RGL1: variants seen among roughly 807,000 people sequenced by gnomAD.
RGL1 encodes the protein ral guanine nucleotide dissociation stimulator like 1, also known as ral guanine nucleotide dissociation stimulator-like 1.
RGL1 carries 24 observed loss-of-function variants against 95.2 expected under a neutral mutation model. That is an observed-to-expected ratio of 0.25 (90% CI 0.18 to 0.35). The LOEUF (loss-of-function observed/expected upper bound fraction) is 0.35, where lower values mean the gene tolerates loss of function less well. Ranked by LOEUF, RGL1 falls within the 10% of genes least tolerant of loss-of-function variation. The pLI is 1.00. For missense variants in RGL1, 715 were observed against 936.3 expected (o/e 0.76, Z 3.08); for synonymous variants, 329 against 344.9 (o/e 0.95, Z 0.51).
intron 8 of RGL1, among the ~76,000 whole-genome samples, chr1:183,891,034 CA>C (rs1377645074): frequency 3.9e-5 from 6 of 152,266 alleles, no homozygotes; most frequent in African/African-American, 1.4e-4. Flanking sequence ...TAATCCTTGA[CA>C]TTTGTCGCTT....
intron 8 of RGL1, among the ~76,000 whole-genome samples, chr1:183,889,993 C>T (rs1269650545): frequency 2.0e-5 from 3 of 152,170 alleles, no homozygotes; most frequent in African/African-American, 4.8e-5. Context: ...TCCTTAAGAA[C>T]GATGGGGTCA....
chr1:183,805,154 G>A lies in RGL1; in HGVS notation c.-144G>A. 1 of 1,099,450 alleles carries A rather than the reference G, an allele frequency of 9.1e-7. No individual in the cohort carries two copies. The highest frequency in any genetic ancestry group is 1.2e-6 in the Non-Finnish European group (1 of 849,090). 68.1% of individuals were successfully genotyped at this position (1,099,450 alleles called of 1,614,324 possible). A position where few individuals can be genotyped will look rare whatever the true frequency, so the allele number is the denominator to read the frequency against. The stretch of plus-strand genomic sequence containing the variant: ...GTCGCGCGCACCGGCGGCGGCGGGG[G>A]CAGCGCGGCGCGTGTCTGTGCGCTG... On this transcript the variant is annotated 5_prime_UTR_variant, in exon 1 of 18. Coordinates refer to ENST00000360851, the MANE Select transcript of RGL1 (RefSeq NM_001297671.3).
intron 4 of RGL1, among the ~76,000 whole-genome samples, chr1:183,872,825 T>A (rs560119435): frequency 1.3e-5 from 2 of 152,258 alleles, no homozygotes; most frequent in African/African-American, 4.8e-5. Flanking sequence ...TTGGAGTGAT[T>A]ATAACAAAAA....
chr1:183,788,369 C>T (rs1316695151), intron 2 of RGL1, among the ~76,000 whole-genome samples: 1 of 152,198 alleles, frequency 6.6e-6, no homozygotes. Context: ...TTCCTCCCTC[C>T]TCTCTTCTGT....
intron 2 of RGL1, among the ~76,000 whole-genome samples, chr1:183,846,280 A>C (rs953264850): frequency 7.2e-5 from 11 of 152,150 alleles, no homozygotes; most frequent in Non-Finnish European, 1.3e-4. Flanking sequence ...ATTCTCAGCA[A>C]ACTAACAGAA....
chr1:183,901,072 A>G (rs922022890), intron 11 of RGL1, among the ~76,000 whole-genome samples: 2 of 151,414 alleles, frequency 1.3e-5, no homozygotes, highest in Non-Finnish European at 2.9e-5. Flanking sequence ...AGGCTGAGAC[A>G]GGCAGATCAT....
chr1:183,809,138 G>T (rs1033922108), intron 2 of RGL1, among the ~76,000 whole-genome samples: 4 of 152,214 alleles, frequency 2.6e-5, no homozygotes, highest in African/African-American at 9.7e-5. Flanking sequence ...ATACGTATGA[G>T]GTTATGTAGC....
At chr1:183,871,383 G>T (rs931995132) in intron 4 of RGL1, among the ~76,000 whole-genome samples, 1 of 152,192 alleles carries the variant, frequency 6.6e-6, no homozygotes, top group Admixed American at 6.5e-5. Flanking sequence ...CTGTTCTCTT[G>T]TGATTTCAGG....
chr1:183,666,452 T>C (rs6677194), intron 1 of RGL1, among the ~76,000 whole-genome samples: 12,437 of 152,270 alleles, frequency 0.082, 998 homozygotes, highest in African/African-American at 0.21. Flanking sequence ...TTCTTTGACC[T>C]ATGTATTATT....
At chr1:183,660,359 A>G (rs149155380) in intron 1 of RGL1, among the ~76,000 whole-genome samples, 9,976 of 151,214 alleles carry the variant, frequency 0.066, 572 homozygotes, top group African/African-American at 0.16. Context: ...AGGGATGGAG[A>G]AAGATCTACC....
At chr1:183,836,376 G>A (rs926412039) in intron 2 of RGL1, among the ~76,000 whole-genome samples, 1 of 151,774 alleles carries the variant, frequency 6.6e-6, no homozygotes. Flanking sequence ...TCAGCTTCCC[G>A]AGTAGCTGGG....
At chr1:183,803,724 C>G (rs1049334922), upstream of RGL1, among the ~76,000 whole-genome samples, 1 of 152,144 alleles carries the variant, frequency 6.6e-6, no homozygotes, top group Non-Finnish European at 1.5e-5. Context: ...TTTAACTGTC[C>G]TCAGTTGCAT....
chr1:183,856,120 AT>A (rs1231332729), intron 3 of RGL1, among the ~76,000 whole-genome samples: 7 of 152,154 alleles, frequency 4.6e-5, no homozygotes, highest in Non-Finnish European at 8.8e-5. Context: ...TTAACATACA[AT>A]CATATTGAAT....
At chr1:183,855,567 T>G (rs1176180586) in intron 3 of RGL1, among the ~76,000 whole-genome samples, 5 of 152,250 alleles carry the variant, frequency 3.3e-5, no homozygotes, top group Admixed American at 6.5e-5. Context: ...GTTTCTAATA[T>G]CTTTCCTCTC....
intron 1 of RGL1, among the ~76,000 whole-genome samples, chr1:183,805,960 T>C (rs1215118725): frequency 1.5e-5 from 2 of 131,904 alleles, no homozygotes; most frequent in Non-Finnish European, 3.2e-5. Context: ...TTTTTCTTTT[T>C]CTTTTCTTTT....
intron 2 of RGL1, among the ~76,000 whole-genome samples, chr1:183,749,793 A>G (rs1226798139): frequency 6.6e-6 from 1 of 152,138 alleles, no homozygotes; most frequent in Non-Finnish European, 1.5e-5. Context: ...TTGTCTGTAA[A>G]GGACTGTATT....
intron 2 of RGL1, among the ~76,000 whole-genome samples, chr1:183,745,076 T>G (rs1383981538): frequency 6.6e-6 from 1 of 152,190 alleles, no homozygotes; most frequent in African/African-American, 2.4e-5. Context: ...CCAGTCTGTT[T>G]GTTTTGAAAT....
chr1:183,777,692 A>G (rs542589726), intron 2 of RGL1, among the ~76,000 whole-genome samples: 16 of 152,254 alleles, frequency 1.1e-4, no homozygotes, highest in African/African-American at 3.6e-4. Context: ...CTAATTCCCA[A>G]CTGTTGCTCT....
chr1:183,782,640 C>T (rs1558204375), intron 2 of RGL1, among the ~76,000 whole-genome samples: 1 of 152,232 alleles, frequency 6.6e-6, no homozygotes, highest in Admixed American at 6.5e-5. Context: ...ATGCAGAAGA[C>T]AGAATAGATA....
Sources: allele counts gnomAD v4.1 joint callset (sites outside exome capture counted in the v4.1 genomes callset), GRCh38; gene constraint gnomAD v4.1.1; transcripts MANE v1.5; gene names NCBI Gene and HGNC (gene_info 2026-07-23, HGNC 2026-07-21).